The following PARPBP variants were observed in gnomAD, a reference collection of about 807,000 sequenced individuals.
The protein encoded by PARPBP is PARP1 binding protein, also known as PCNA-interacting partner.
In PARPBP, 52 loss-of-function variants were observed where a neutral mutation model predicts 50.0. That is an observed-to-expected ratio of 1.04 (90% confidence interval 0.83 to 1.31). PARPBP has a LOEUF of 1.31. PARPBP is among the 50% of genes most tolerant of loss of function. The probability of loss-of-function intolerance (pLI) is 0.00; values close to 1 mark genes in which losing one functional copy is unlikely to be tolerated. For missense variants in PARPBP, 697 were observed against 672.0 expected (o/e 1.04, Z -0.41); for synonymous variants, 244 against 232.1 (o/e 1.05, Z -0.47).
rs1422204795 is a variant in PARPBP, at chr12:102,162,932, C to T, written c.496-1506C>T. Among the ~76,000 whole-genome samples, 4 of 151,786 alleles carry T rather than the reference C, an allele frequency of 2.6e-5. No homozygotes were observed. The East Asian group carries it at 7.7e-4, about 29-fold the overall frequency. On this transcript the variant is annotated intron_variant, in intron 4 of 10. Transcript: ENST00000327680. ...TATGTAAGAACTCTTTGCCTTATTC[C>T]AGGTCATGAAGATTTTCTATTATGT...
At chr12:102,142,695 A>G (rs2138251771) in intron 2 of PARPBP, among the ~76,000 whole-genome samples, 2 of 152,246 alleles carry the variant, frequency 1.3e-5, no homozygotes, top group East Asian at 3.9e-4. Flanking sequence ...TCTGTTTGTT[A>G]GTTTTCCTTC....
intron 1 of PARPBP, among the ~76,000 whole-genome samples, chr12:102,123,123 C>G (rs1215627938): frequency 1.3e-5 from 2 of 152,082 alleles, no homozygotes; most frequent in African/African-American, 4.8e-5. Context: ...GACTTAATGC[C>G]CAGGGTTTTT....
At chr12:102,188,869 C>T (rs976383745) in intron 9 of PARPBP, among the ~76,000 whole-genome samples, 6 of 151,504 alleles carry the variant, frequency 4.0e-5, no homozygotes, top group Non-Finnish European at 8.8e-5. Flanking sequence ...AATGTTTTTC[C>T]AGAATTGTAA....
At chr12:102,126,720 G>A (rs1364117554) in intron 2 of PARPBP, among the ~76,000 whole-genome samples, 1 of 152,222 alleles carries the variant, frequency 6.6e-6, no homozygotes, top group Non-Finnish European at 1.5e-5. Flanking sequence ...CCAGGAGGCA[G>A]AGGTTGCAGT....
At chr12:102,135,961 C>T (rs1191403914) in intron 2 of PARPBP, among the ~76,000 whole-genome samples, 3 of 152,184 alleles carry the variant, frequency 2.0e-5, no homozygotes, top group Non-Finnish European at 4.4e-5. Flanking sequence ...ATGTGAGATA[C>T]CATTCTACTG....
chr12:102,158,139 A>G (rs1438728911), intron 4 of PARPBP, among the ~76,000 whole-genome samples: 2 of 151,124 alleles, frequency 1.3e-5, no homozygotes, highest in African/African-American at 4.8e-5. Context: ...AAAAAAAAAA[A>G]AAAAGAATAG....
At chr12:102,176,577 T>G (rs1889304902) in intron 7 of PARPBP, among the ~76,000 whole-genome samples, 1 of 152,200 alleles carries the variant, frequency 6.6e-6, no homozygotes, top group Admixed American at 6.5e-5. Context: ...ACCCACAGAA[T>G]TATAAGAGAA....
In PARPBP at chr12:102,178,621, T is replaced by C; in HGVS notation, c.1035T>C (p.Thr345=). The C allele has an allele frequency of 6.2e-7, 1 of 1,612,316 alleles. No homozygotes were observed. The highest frequency in any genetic ancestry group is 8.5e-7 in the Non-Finnish European group (1 of 1,179,186). Residue 345 remains threonine, a synonymous_variant, in exon 8 of 11, where the codon ACT becomes ACC. Transcript: ENST00000327680. ...RPKSHAINHG[T]AYCGRDTVKA... is the part of the protein sequence containing the mutation. The stretch of plus-strand genomic sequence containing the variant: ...AATCTCATGCCATAAACCATGGTAC[T>C]GCATACTGTGGCAGAGATACTGTGA...
At chr12:102,124,175 C>T in intron 2 of PARPBP, 134 bp downstream of exon 2, 3 of 654,526 alleles carry the variant, frequency 4.6e-6, no homozygotes, top group South Asian at 1.8e-5. Context: ...ACCATTTTCA[C>T]AAATGCCTCT....
At chr12:102,139,045 G>A (rs984276351) in intron 2 of PARPBP, among the ~76,000 whole-genome samples, 3 of 152,170 alleles carry the variant, frequency 2.0e-5, no homozygotes, top group African/African-American at 7.2e-5. Flanking sequence ...GTAGCTTCAT[G>A]GGGATGGCAT....
At chr12:102,158,561 T>C (rs1887215598) in intron 4 of PARPBP, among the ~76,000 whole-genome samples, 2 of 152,232 alleles carry the variant, frequency 1.3e-5, no homozygotes, top group Non-Finnish European at 2.9e-5. Context: ...TGCCCAGACC[T>C]GGTTCCTTTT....
chr12:102,156,280 G>A (rs529312826), intron 4 of PARPBP, among the ~76,000 whole-genome samples: 1 of 129,392 alleles, frequency 7.7e-6, no homozygotes, highest in African/African-American at 2.9e-5. Context: ...TCCGCCTCCC[G>A]TGTTCATGCC....
intron 9 of PARPBP, among the ~76,000 whole-genome samples, chr12:102,186,208 T>C (rs1050185782): frequency 2.0e-5 from 3 of 152,152 alleles, no homozygotes; most frequent in Admixed American, 1.3e-4. Context: ...GGGTCATCTC[T>C]CTTTTTTTCT....
In PARPBP at chr12:102,137,890, A is replaced by G. The variant is rs534760187; in HGVS notation, c.154-10340A>G. ...TGGTGTATATGTGCCATATTTTCTT[A>G]ATCCAGTCTATCATTCTTGGACATT... On this transcript the variant is annotated intron_variant, in intron 2 of 10. Coordinates refer to ENST00000327680, the MANE Select transcript of PARPBP (RefSeq NM_017915.5). Among the ~76,000 whole-genome samples, 7 of 152,250 alleles carry G rather than the reference A, an allele frequency of 4.6e-5. No individual in the cohort carries two copies. In the East Asian group the frequency reaches 1.4e-3, roughly 29 times the overall value.
intron 2 of PARPBP, among the ~76,000 whole-genome samples, chr12:102,125,889 A>T (rs1565847488): frequency 6.6e-6 from 1 of 152,216 alleles, no homozygotes; most frequent in Non-Finnish European, 1.5e-5. Context: ...TCTTTGGTCT[A>T]GAGGCTCTTT....
At chr12:102,146,461 T>C (rs1017999902) in intron 2 of PARPBP, among the ~76,000 whole-genome samples, 4 of 152,040 alleles carry the variant, frequency 2.6e-5, no homozygotes, top group African/African-American at 9.7e-5. Context: ...AAACAAGCAA[T>C]AGGGAAAGGA....
intron 1 of PARPBP, among the ~76,000 whole-genome samples, chr12:102,122,065 G>A (rs1881228002): frequency 6.6e-6 from 1 of 152,176 alleles, no homozygotes; most frequent in South Asian, 2.1e-4. Context: ...AAGTGGTGGA[G>A]CCACATTTCA....
At chr12:102,131,361 G>A (rs527384722) in intron 2 of PARPBP, among the ~76,000 whole-genome samples, 1 of 152,162 alleles carries the variant, frequency 6.6e-6, no homozygotes. Context: ...CAAGGCTGTG[G>A]AGAAGAAGGA....
At chr12:102,173,444 A>G (rs749410185) in intron 6 of PARPBP, among the ~76,000 whole-genome samples, 2 of 152,210 alleles carry the variant, frequency 1.3e-5, no homozygotes, top group African/African-American at 2.4e-5. Context: ...ATAAAATTCT[A>G]TTTGATGATA....
Sources: gnomAD v4.1 joint callset for allele counts (sites outside exome capture counted in the v4.1 genomes callset) on GRCh38, gnomAD v4.1.1 for gene constraint, MANE v1.5 for transcripts, NCBI Gene and HGNC (gene_info 2026-07-23, HGNC 2026-07-21) for gene names.